The following MRPS27 variants were observed in gnomAD, a reference collection of about 807,000 sequenced individuals.
The protein encoded by MRPS27 is small ribosomal subunit protein mS27.
MRPS27 carries 43 observed loss-of-function variants against 48.9 expected under a neutral mutation model. That is an observed-to-expected ratio of 0.88 (90% CI 0.69 to 1.13). MRPS27 has a LOEUF of 1.13. Ranked by LOEUF, MRPS27 falls within the 50% of genes most tolerant of loss-of-function variation. MRPS27 has a pLI of 0.00. For missense variants in MRPS27, 467 were observed against 476.3 expected (o/e 0.98, Z 0.18); for synonymous variants, 188 against 171.9 (o/e 1.09, Z -0.73).
rs138999160 is a variant in MRPS27, at chr5:72,239,575, G to T, written c.282-1447C>A. Among the ~76,000 whole-genome samples, 568 of 152,220 alleles carry T rather than the reference G, an allele frequency of 3.7e-3. 1 individual carries two copies. Among genetic ancestry groups the T allele is most frequent in the African/African-American group, 0.013 (552 of 41,538 alleles). ...GAGTGACGTGGCCAGAGAAAGGCAT[G>T]GTATAGGGGACCTAGATACTCAATC... On this transcript the variant is annotated intron_variant, in intron 4 of 10. Coordinates refer to ENST00000261413, the MANE Select transcript of MRPS27 (RefSeq NM_015084.3).
At chr5:72,229,831 A>G (rs931197307) in intron 7 of MRPS27, among the ~76,000 whole-genome samples, 22 of 152,196 alleles carry the variant, frequency 1.4e-4, no homozygotes, top group African/African-American at 5.3e-4. Context: ...ATATGAAGCT[A>G]TTCATGTGTC....
intron 7 of MRPS27, chr5:72,229,225 G>C (rs1747983508): frequency 6.6e-6 from 1 of 152,196 alleles, no homozygotes; most frequent in African/African-American, 2.4e-5. Context: ...TCTGCACCAA[G>C]AGATTAGGGA....
At chr5:72,317,873 T>C (rs1316753284) in intron 1 of MRPS27, among the ~76,000 whole-genome samples, 1 of 152,160 alleles carries the variant, frequency 6.6e-6, no homozygotes, top group Non-Finnish European at 1.5e-5. Context: ...TTACATAAAA[T>C]TGCACAGTAT....
At chr5:72,262,158 A>G (rs1360198834) in intron 4 of MRPS27, among the ~76,000 whole-genome samples, 1 of 152,088 alleles carries the variant, frequency 6.6e-6, no homozygotes, top group African/African-American at 2.4e-5. Flanking sequence ...CTGGCGAGCT[A>G]TTTGCTAGCT....
At chr5:72,241,420 C>A in intron 4 of MRPS27, 1 of 532,102 alleles carries the variant, frequency 1.9e-6, no homozygotes. Flanking sequence ...AGCAAATGAA[C>A]TCCTTTCTTG....
At chr5:72,232,411 T>A in intron 7 of MRPS27, 32 bp downstream of exon 7, 1 of 1,546,002 alleles carries the variant, frequency 6.5e-7, no homozygotes, top group Non-Finnish European at 8.8e-7. Flanking sequence ...TTTTCTAAAG[T>A]TCTTAATACT....
At chr5:72,253,301 T>C (rs973723345) in intron 4 of MRPS27, among the ~76,000 whole-genome samples, 2 of 152,204 alleles carry the variant, frequency 1.3e-5, no homozygotes, top group African/African-American at 2.4e-5. Flanking sequence ...GAGGTTTCTG[T>C]AGGAAATAGA....
intron 4 of MRPS27, among the ~76,000 whole-genome samples, chr5:72,289,693 C>T (rs1288021088): frequency 6.6e-6 from 1 of 152,094 alleles, no homozygotes; most frequent in Non-Finnish European, 1.5e-5. Context: ...GGATTACAGG[C>T]ATGAGCCGCT....
chr5:72,313,315 A>G (rs1750487294), intron 2 of MRPS27, among the ~76,000 whole-genome samples: 1 of 152,236 alleles, frequency 6.6e-6, no homozygotes, highest in Admixed American at 6.5e-5. Context: ...CCCAAAACAC[A>G]GCTAAAGAAA....
chr5:72,280,070 A>G (rs952495976), intron 4 of MRPS27, among the ~76,000 whole-genome samples: 2 of 152,174 alleles, frequency 1.3e-5, no homozygotes, highest in Non-Finnish European at 2.9e-5. Context: ...ATTCTGCTCC[A>G]CTAGTCTATT....
At chr5:72,306,295 T>G (rs1032801791) in intron 2 of MRPS27, among the ~76,000 whole-genome samples, 4 of 152,202 alleles carry the variant, frequency 2.6e-5, no homozygotes, top group African/African-American at 9.6e-5. Context: ...CAAATCTAAG[T>G]AAAGATCATG....
At chr5:72,289,506 C>T (rs1303632557) in intron 4 of MRPS27, among the ~76,000 whole-genome samples, 4 of 151,910 alleles carry the variant, frequency 2.6e-5, no homozygotes, top group Non-Finnish European at 5.9e-5. Context: ...ACTGCAGCCT[C>T]GACCTCCCAA....
At chr5:72,256,523 T>C (rs758910448) in intron 4 of MRPS27, among the ~76,000 whole-genome samples, 1 of 152,256 alleles carries the variant, frequency 6.6e-6, no homozygotes, top group African/African-American at 2.4e-5. Context: ...CCAAGAACAC[T>C]TTGACAATTT....
chr5:72,281,941 G>A (rs546101743), intron 4 of MRPS27, among the ~76,000 whole-genome samples: 1 of 152,254 alleles, frequency 6.6e-6, no homozygotes, highest in Admixed American at 6.5e-5. Context: ...CACTGTTCAT[G>A]TGCTGTAATG....
At chr5:72,241,207 G>T (rs942822892) in intron 4 of MRPS27, among the ~76,000 whole-genome samples, 2 of 152,002 alleles carry the variant, frequency 1.3e-5, no homozygotes, top group Non-Finnish European at 2.9e-5. Context: ...TGTTCAGGCT[G>T]GTCTCAAACT....
intron 1 of MRPS27, chr5:72,314,655 G>C (rs1750522869): frequency 6.5e-6 from 1 of 154,048 alleles, no homozygotes; most frequent in Non-Finnish European, 1.4e-5. Context: ...CTCCCAAGTA[G>C]TTAGCATTAC....
chr5:72,267,127 C>A (rs1749124887), intron 4 of MRPS27, among the ~76,000 whole-genome samples: 5 of 152,170 alleles, frequency 3.3e-5, no homozygotes, highest in Admixed American at 3.3e-4. Context: ...AAACTGAGGT[C>A]AGCAATGCTA....
chr5:72,308,292 G>A lies in MRPS27; in HGVS notation c.151+5789C>T, dbSNP rs1342895208. ...CTCTCTCGCCGTACTCCCCGGCAGG[G>A]CACGGCTCAGGGGAGACGGCGCTCT... On this transcript the variant is annotated intron_variant, in intron 2 of 10. Coordinates refer to ENST00000261413, the MANE Select transcript of MRPS27 (RefSeq NM_015084.3). 2.0e-5 allele frequency among the ~76,000 whole-genome samples: 3 copies of A among 152,348 alleles called. No homozygotes were observed. The East Asian group carries it at 5.8e-4, about 29-fold the overall frequency.
intron 10 of MRPS27, 32 bp downstream of exon 10, chr5:72,223,648 CGCT>C (rs752461652): frequency 1.2e-6 from 2 of 1,608,400 alleles, no homozygotes; most frequent in African/African-American, 2.7e-5. Flanking sequence ...GTGTTTTATG[CGCT>C]GCTAAGAGAG....
Sources: allele counts gnomAD v4.1 joint callset (sites outside exome capture counted in the v4.1 genomes callset), GRCh38; gene constraint gnomAD v4.1.1; transcripts MANE v1.5; gene names NCBI Gene and HGNC (gene_info 2026-07-23, HGNC 2026-07-21).